The following GAK variants were observed in gnomAD, a reference collection of about 807,000 sequenced individuals.
GAK encodes the protein cyclin-G-associated kinase.
Under a neutral mutation model 143.9 loss-of-function variants are expected in GAK, and 79 were observed. That is an observed-to-expected ratio of 0.55 (90% confidence interval 0.46 to 0.66). GAK has a LOEUF of 0.66. GAK is among the 30% of genes least tolerant of loss of function. The pLI is 0.00. For synonymous variants in GAK, 881 were observed against 765.5 expected (o/e 1.15, Z -2.49); for missense variants, 1,693 against 1,779.7 (o/e 0.95, Z 0.88).
At chr4:854,080 G>A (rs1430870476) in intron 24 of GAK, among the ~76,000 whole-genome samples, 2 of 151,372 alleles carry the variant, frequency 1.3e-5, no homozygotes, top group Non-Finnish European at 2.9e-5. Context: ...TTACAGGCAT[G>A]AGCCACCATG....
At position 891,240 on chromosome 4, in the gene GAK, C is replaced by G. The variant is rs553098047; in HGVS notation, c.991-618G>C. On this transcript the variant is annotated intron_variant, in intron 9 of 27. Coordinates refer to ENST00000314167, the MANE Select transcript of GAK (RefSeq NM_005255.4). ...CTTCCCAAAGTGCTAGGATTACAGG[C>G]GTGAGCCACTGCACCCAGGCTTTTT... Among the ~76,000 whole-genome samples the G allele has an allele frequency of 4.0e-5, 6 of 151,612 alleles. No individual in the cohort carries two copies. The East Asian group carries it at 1.2e-3, about 29-fold the overall frequency.
At position 883,403 on chromosome 4, in the gene GAK, C is replaced by T. The variant is rs144343843; in HGVS notation, c.1316G>A (p.Arg439Gln). The T allele has an allele frequency of 5.2e-5, 84 of 1,613,800 alleles. No homozygotes were observed. The highest frequency in any genetic ancestry group is 1.6e-4 in the Middle Eastern group (1 of 6,062). Residue 439 changes from arginine (R) to glutamine (Q), a missense_variant, in exon 13 of 28, where the codon CGG becomes CAG. Transcript: ENST00000314167. ...SALKNNIEDV[R>Q]LFLDSKHPGH... is the part of the protein sequence containing the mutation. ...TGGGTGCTTGGAGTCCAGGAACAAC[C>T]GCACATCTTCGATGTTGTTTTTGAG...
At chr4:852,596 C>T (rs922221190) in intron 24 of GAK, 7 of 153,930 alleles carry the variant, frequency 4.5e-5, no homozygotes, top group Admixed American at 1.3e-4. Context: ...CCCACCACCA[C>T]GCACGGTTAA....
intron 8 of GAK, 65 bp downstream of exon 8, chr4:893,809 T>C: frequency 6.7e-7 from 1 of 1,498,644 alleles, no homozygotes; most frequent in Non-Finnish European, 8.9e-7. Flanking sequence ...GAGCGGGGTC[T>C]CCAGAGCCAC....
At chr4:921,385 C>T (rs1313551141) in intron 1 of GAK, among the ~76,000 whole-genome samples, 3 of 152,188 alleles carry the variant, frequency 2.0e-5, no homozygotes, top group Non-Finnish European at 4.4e-5. Flanking sequence ...TGGGCTACCA[C>T]GCCCAGCCCA....
At chr4:856,942 G>A (rs1577045691) in intron 24 of GAK, among the ~76,000 whole-genome samples, 1 of 152,198 alleles carries the variant, frequency 6.6e-6, no homozygotes, top group South Asian at 2.1e-4. Flanking sequence ...GGCTGACAGT[G>A]CTGCCATAAA....
At chr4:859,557 C>T in intron 24 of GAK, 49 bp downstream of exon 24, 1 of 1,587,492 alleles carries the variant, frequency 6.3e-7, no homozygotes, top group Non-Finnish European at 8.6e-7. Flanking sequence ...GAGAATAAAC[C>T]TCCTACAAGG....
chr4:912,458 C>T (rs1722217063), intron 3 of GAK: 1 of 420,192 alleles, frequency 2.4e-6, no homozygotes, highest in South Asian at 2.4e-5. Context: ...TGGTAACCAG[C>T]CCATCCACTG....
chr4:912,302 G>A (rs553053689), intron 3 of GAK: 20 of 395,578 alleles, frequency 5.1e-5, no homozygotes, highest in East Asian at 3.6e-4. Flanking sequence ...GAGATGCCCC[G>A]CCCAGTCATG....
At chr4:926,259 C>T (rs181723852) in intron 1 of GAK, among the ~76,000 whole-genome samples, 1 of 152,324 alleles carries the variant, frequency 6.6e-6, no homozygotes, top group East Asian at 1.9e-4. Flanking sequence ...ACAGAAGTAA[C>T]ACAGGCTTGT....
At chr4:868,210 G>A (rs6854553) in intron 20 of GAK, among the ~76,000 whole-genome samples, 52,758 of 152,024 alleles carry the variant, frequency 0.35, 9,435 homozygotes, top group South Asian at 0.4. Flanking sequence ...CTGTCCCTCC[G>A]CCCAGGCCCT....
intron 24 of GAK, among the ~76,000 whole-genome samples, chr4:854,783 C>T (rs952906230): frequency 1.2e-4 from 19 of 152,168 alleles, no homozygotes; most frequent in Admixed American, 7.9e-4. Flanking sequence ...CGGTGGCTCA[C>T]GCCTGTAATC....
intron 1 of GAK, among the ~76,000 whole-genome samples, chr4:916,253 A>G (rs550379154): frequency 1.3e-5 from 2 of 152,342 alleles, no homozygotes; most frequent in South Asian, 4.1e-4. Flanking sequence ...TAAAAATCCA[A>G]GTAACAACAA....
chr4:925,891 G>T (rs1054169734), intron 1 of GAK, among the ~76,000 whole-genome samples: 1 of 152,202 alleles, frequency 6.6e-6, no homozygotes, highest in African/African-American at 2.4e-5. Flanking sequence ...ACTGGGACAC[G>T]GGGATGCGCA....
intron 5 of GAK, among the ~76,000 whole-genome samples, chr4:904,006 T>C (rs947132303): frequency 1.2e-4 from 18 of 152,264 alleles, no homozygotes; most frequent in Admixed American, 4.6e-4. Flanking sequence ...GCTTCCACTG[T>C]TGAGAGGCTC....
intron 23 of GAK, among the ~76,000 whole-genome samples, chr4:863,199 G>C (rs1043325134): frequency 6.6e-6 from 1 of 152,248 alleles, no homozygotes; most frequent in Non-Finnish European, 1.5e-5. Context: ...GGAAGTCTCT[G>C]CAGATGTGGT....
chr4:866,998 G>A lies in GAK; in HGVS notation c.2830C>T (p.Leu944=), dbSNP rs760466656. The A allele has an allele frequency of 3.3e-6, 5 of 1,500,242 alleles. No homozygotes were observed. In the East Asian group the frequency reaches 1.2e-4, roughly 35 times the overall value. 92.9% of individuals were successfully genotyped at this position (1,500,242 alleles called of 1,614,324 possible). Residue 944 remains leucine, a synonymous_variant, in exon 21 of 28, where the codon CTG becomes TTG. Coordinates refer to ENST00000314167, the MANE Select transcript of GAK (RefSeq NM_005255.4). ...CCTCTTGGGGTGCTCTGCACGCTCA[G>A]GGGAGGGGCCGGGCTTGCCAGGAGC... ...PLLLASPAPP[L]SVQSTPRGGP... is the part of the protein sequence containing the mutation.
chr4:870,588 C>T (rs1449777080), intron 19 of GAK, 123 bp downstream of exon 19: 1 of 974,608 alleles, frequency 1.0e-6, no homozygotes, highest in East Asian at 2.5e-5. Flanking sequence ...GCCCAAGCTG[C>T]TCAGGGCCTG....
intron 1 of GAK, among the ~76,000 whole-genome samples, chr4:924,771 T>C (rs903617561): frequency 3.9e-5 from 6 of 152,046 alleles, no homozygotes; most frequent in Non-Finnish European, 8.8e-5. Context: ...CTCCCGGGGC[T>C]GCTCTCAGGA....
Sources: gnomAD v4.1 joint callset for allele counts (sites outside exome capture counted in the v4.1 genomes callset) on GRCh38, gnomAD v4.1.1 for gene constraint, MANE v1.5 for transcripts, NCBI Gene and HGNC (gene_info 2026-07-23, HGNC 2026-07-21) for gene names.